LGI1: variants seen among roughly 807,000 people sequenced by gnomAD.
The protein encoded by LGI1 is leucine rich glioma inactivated 1, also known as leucine-rich glioma-inactivated protein 1.
LGI1 carries 11 observed loss-of-function variants against 57.7 expected under a neutral mutation model. That is an observed-to-expected ratio of 0.19 (90% CI 0.12 to 0.32). The LOEUF is 0.32. LGI1 is among the 10% of genes least tolerant of loss of function. The probability of loss-of-function intolerance (pLI) is 1.00; values close to 1 mark genes in which losing one functional copy is unlikely to be tolerated. For synonymous variants in LGI1, 222 were observed against 241.9 expected, an observed-to-expected ratio of 0.92 and a Z score of 0.76; for missense variants, 422 against 661.9, an observed-to-expected ratio of 0.64 and a Z score of 3.98.
In LGI1 at chr10:93,757,961, C is replaced by G. The variant is rs2059581367; in HGVS notation, c.-184C>G. On this transcript the variant is annotated 5_prime_UTR_variant, in exon 1 of 8. Transcript: ENST00000371418. Reference sequence around the variant, plus strand: ...ACAGTACCTCACAGGTCTCTTCCCCCGAGCAGTGCATTGCTGGAGCGAGGA... The same window carrying G: ...ACAGTACCTCACAGGTCTCTTCCCCGGAGCAGTGCATTGCTGGAGCGAGGA... The G allele has an allele frequency of 6.1e-6, 4 of 651,780 alleles. No homozygotes were observed. In the South Asian group the frequency reaches 7.1e-5, roughly 12 times the overall value. 40.4% of individuals were successfully genotyped at this position (651,780 alleles called of 1,614,324 possible). A position where few individuals can be genotyped will look rare whatever the true frequency, so the allele number is the denominator to read the frequency against.
Position 93,763,296 on chromosome 10 carries a change from AGACACACACACACACACG to A in LGI1, c.287+4466_287+4483del, listed in dbSNP as rs386746653. ...CACACACAGACACACACACACACAC[AGACACACACACACACACG>A]TGCCCAAACAAGTTCTGCAGGATCT... On this transcript the variant is annotated intron_variant, in intron 2 of 7. Coordinates refer to ENST00000371418, the MANE Select transcript of LGI1 (RefSeq NM_005097.4). 1.3e-4 allele frequency: 10 copies of A among 78,878 alleles called. 1 individual carries two copies. The East Asian group carries it at 1.9e-3, about 15-fold the overall frequency. The allele number at this position is 78,878 out of a possible 1,614,324, so 4.9% of individuals were successfully genotyped here.
At chr10:93,777,209 T>G (rs1027824883) in intron 2 of LGI1, 170 bp from the exon 3 acceptor site, 19 of 677,760 alleles carry the variant, frequency 2.8e-5, no homozygotes, top group Non-Finnish European at 3.7e-5. Context: ...AGGAGATGAT[T>G]AGGAGTAAAA....
chr10:93,797,754 A>C lies in LGI1; in HGVS notation c.1625A>C (p.Lys542Thr). ...AATTTTCTTTTTGCTTCCAGTTTTA[A>C]GGGAAATACACAGATTTACAAACAT... ...KRNFLFASSF[K>T]GNTQIYKHVI... is the part of the protein sequence containing the mutation. The change falls in exon 8 of 8, where the codon AAG becomes ACG. Residue 542 changes from lysine (K) to threonine (T), a missense_variant. Transcript: ENST00000371418. The surrounding 1 kb of genome is among the most constrained non-coding windows in gnomAD (Gnocchi z 6.5). 6.2e-7 allele frequency: 1 copy of C among 1,607,680 alleles called. No individual in the cohort carries two copies. Among genetic ancestry groups the C allele is most frequent in the Non-Finnish European group, 8.5e-7 (1 of 1,179,968 alleles).
chr10:93,781,410 T>C (rs1159975610), intron 4 of LGI1, among the ~76,000 whole-genome samples: 1 of 151,848 alleles, frequency 6.6e-6, no homozygotes. Flanking sequence ...TTATTATATA[T>C]ACCTGGCTAT....
rs2059677015 is a variant in LGI1, at chr10:93,766,259, A to G, written c.287+7428A>G. Among the ~76,000 whole-genome samples the G allele has an allele frequency of 2.0e-5, 3 of 152,114 alleles. No individual in the cohort carries two copies. The South Asian group carries it at 6.2e-4, about 31-fold the overall frequency. ...ATATAGCAAGATGGCAGGTGCTTGCATGTGTAAAATGTGATCAAAAGGCAA... is the reference window on the plus strand; with the variant it reads ...ATATAGCAAGATGGCAGGTGCTTGCGTGTGTAAAATGTGATCAAAAGGCAA... On this transcript the variant is annotated intron_variant, in intron 2 of 7. Coordinates refer to ENST00000371418, the MANE Select transcript of LGI1 (RefSeq NM_005097.4).
Position 93,793,352 on chromosome 10 carries a change from T to TATG in LGI1, c.838+4_838+6dup. ...TCCGGAATTATGACAACATTACAGG[T>TATG]ATGAAAAGCCTAATGATATTTTGAG... is the stretch of plus-strand genomic sequence containing the variant. On this transcript the variant is annotated splice_region_variant and intron_variant, in intron 7 of 7. Transcript: ENST00000371418. The TATG allele has an allele frequency of 6.2e-7, 1 of 1,612,960 alleles. No homozygotes were observed. The highest frequency in any genetic ancestry group is 1.1e-5 in the South Asian group (1 of 91,054).
chr10:93,786,657 T>C (rs2059894054), intron 4 of LGI1, among the ~76,000 whole-genome samples: 1 of 49,326 alleles, frequency 2.0e-5, no homozygotes, highest in African/African-American at 2.9e-5. Flanking sequence ...AGTGCAGTGG[T>C]ATGATCATGG....
At chr10:93,775,114 G>A (rs1346163631) in intron 2 of LGI1, among the ~76,000 whole-genome samples, 2 of 152,022 alleles carry the variant, frequency 1.3e-5, no homozygotes, top group East Asian at 1.9e-4. Context: ...AAAAGTGCAC[G>A]TTATAAATGT....
At chr10:93,771,958 A>G (rs1180731680) in intron 2 of LGI1, 1 of 148,056 alleles carries the variant, frequency 6.8e-6, no homozygotes, top group African/African-American at 2.5e-5. Context: ...CTGGGCAACA[A>G]GAGTGAAACT....
intron 4 of LGI1, chr10:93,788,959 A>T (rs78980101): frequency 6.6e-6 from 1 of 152,168 alleles, no homozygotes; most frequent in East Asian, 1.9e-4. Flanking sequence ...TAACGTGTAT[A>T]TATATGGTGC....
intron 2 of LGI1, among the ~76,000 whole-genome samples, chr10:93,766,382 A>G (rs1390485892): frequency 6.6e-6 from 1 of 152,182 alleles, no homozygotes; most frequent in Non-Finnish European, 1.5e-5. Context: ...CCATGGCTAA[A>G]GATTTCTGGA....
chr10:93,782,854 A>G (rs1296155122), intron 4 of LGI1: 1 of 152,230 alleles, frequency 6.6e-6, no homozygotes, highest in Non-Finnish European at 1.5e-5. Flanking sequence ...GCACTGAAAC[A>G]AACGCGGTGT....
chr10:93,778,145 T>A (rs1426467092), intron 4 of LGI1, among the ~76,000 whole-genome samples: 1 of 152,204 alleles, frequency 6.6e-6, no homozygotes, highest in Non-Finnish European at 1.5e-5. Context: ...TCTAGAGACA[T>A]GTTTGGTTGT....
intron 4 of LGI1, among the ~76,000 whole-genome samples, chr10:93,778,564 C>A (rs190922197): frequency 5.9e-5 from 9 of 152,298 alleles, no homozygotes; most frequent in Admixed American, 3.9e-4. Context: ...AATGAGGAAA[C>A]AGTCTTGGAG....
intron 2 of LGI1, chr10:93,763,968 A>G (rs963207900): frequency 2.0e-5 from 3 of 152,240 alleles, no homozygotes; most frequent in Non-Finnish European, 4.4e-5. Context: ...AATAACACAA[A>G]GATAATTTCC....
At chr10:93,784,054 G>T (rs2059874596) in intron 4 of LGI1, among the ~76,000 whole-genome samples, 1 of 152,126 alleles carries the variant, frequency 6.6e-6, no homozygotes, top group South Asian at 2.1e-4. Flanking sequence ...TCTATTGAGG[G>T]CTTACTTTGT....
At chr10:93,787,607 T>C (rs771959631) in intron 4 of LGI1, among the ~76,000 whole-genome samples, 20 of 152,122 alleles carry the variant, frequency 1.3e-4, no homozygotes, top group Non-Finnish European at 2.1e-4. Flanking sequence ...CCAGATTCAC[T>C]CATTATTTAA....
rs752866682 is a variant in LGI1, at chr10:93,758,684, A to G, written c.216-76A>G. The G allele has an allele frequency of 1.7e-5, 18 of 1,035,536 alleles. No homozygotes were observed. Among genetic ancestry groups the G allele is most frequent in the Non-Finnish European group, 2.4e-5 (16 of 664,906 alleles). 64.1% of individuals were successfully genotyped at this position (1,035,536 alleles called of 1,614,324 possible). A position where few individuals can be genotyped will look rare whatever the true frequency, so the allele number is the denominator to read the frequency against. ...CACTGTTATGCTAAACCGGATTAAC[A>G]TAAGGTTTGTTCTGTGTGTGTGTGT... On this transcript the variant is annotated intron_variant, in intron 1 of 7. Transcript: ENST00000371418. The surrounding 1 kb of genome is among the most constrained non-coding windows in gnomAD (Gnocchi z 4.7).
intron 2 of LGI1, chr10:93,767,444 T>C (rs2059690991): frequency 6.6e-6 from 1 of 152,206 alleles, no homozygotes; most frequent in South Asian, 2.1e-4. Context: ...GAAACATCTC[T>C]GAAATTATTC....
Sources: gnomAD v4.1 joint callset for allele counts (sites outside exome capture counted in the v4.1 genomes callset) on GRCh38, gnomAD v4.1.1 for gene constraint, Gnocchi (gnomAD v3.1) non-coding constraint, MANE v1.5 for transcripts, NCBI Gene and HGNC (gene_info 2026-07-23, HGNC 2026-07-21) for gene names.